LCOR: variants seen among roughly 807,000 people sequenced by gnomAD.
LCOR encodes ligand-dependent corepressor.
In LCOR, 14 loss-of-function variants were observed where a neutral mutation model predicts 64.4. The ratio of observed to expected loss-of-function variants is 0.22; its 90% CI spans 0.14 to 0.34. The LOEUF (loss-of-function observed/expected upper bound fraction) is 0.34, where lower values mean the gene tolerates loss of function less well. Ranked by LOEUF, LCOR falls within the 10% of genes least tolerant of loss-of-function variation. LCOR has a pLI of 1.00. For synonymous variants in LCOR, 643 were observed against 642.5 expected (o/e 1.00, Z -0.01); for missense variants, 1,686 against 1,765.3 (o/e 0.96, Z 0.80).
At chr10:96,935,770 G>T (rs899967540) in intron 4 of LCOR, among the ~76,000 whole-genome samples, 1 of 152,248 alleles carries the variant, frequency 6.6e-6, no homozygotes, top group African/African-American at 2.4e-5. Context: ...GGAAGGCAAG[G>T]CTTGCAGTGA....
chr10:96,927,271 T>A (rs1847184825), intron 4 of LCOR, among the ~76,000 whole-genome samples: 1 of 152,150 alleles, frequency 6.6e-6, no homozygotes, highest in Non-Finnish European at 1.5e-5. Context: ...ACTGGTGAGG[T>A]TGAGCATCCT....
At chr10:96,977,941 A>G (rs1277303208) in intron 7 of LCOR, among the ~76,000 whole-genome samples, 3 of 152,192 alleles carry the variant, frequency 2.0e-5, no homozygotes, top group Non-Finnish European at 4.4e-5. Flanking sequence ...AGAATTTCCA[A>G]GTGGTAGATG....
chr10:96,901,543 TAAG>T (rs1321280373), intron 2 of LCOR, among the ~76,000 whole-genome samples: 1 of 152,216 alleles, frequency 6.6e-6, no homozygotes, highest in Non-Finnish European at 1.5e-5. Context: ...GCCCATTAGA[TAAG>T]AAGACTCAAG....
chr10:96,985,101 G>A lies in LCOR; in HGVS notation c.4641G>A (p.Ser1547=), dbSNP rs61735270. The change falls in exon 8 of 8, where the codon TCG becomes TCA. Residue 1547 remains serine (S), a synonymous_variant. Transcript: ENST00000421806. ...KRKLKAKLDC[S]HSKRRRLDAK Reference sequence around the variant, plus strand: ...AGCTGAAGGCAAAGCTGGACTGTTCGCACAGCAAACGGAGGCGGCTGGATG... The same window carrying A: ...AGCTGAAGGCAAAGCTGGACTGTTCACACAGCAAACGGAGGCGGCTGGATG... 5.4e-4 allele frequency: 873 copies of A among 1,604,850 alleles called. 3 individuals are homozygous for A. The African/African-American group carries it at 0.011, about 19-fold the overall frequency.
chr10:96,889,416 A>G (rs1486769623), intron 2 of LCOR, among the ~76,000 whole-genome samples: 2 of 152,184 alleles, frequency 1.3e-5, no homozygotes, highest in Non-Finnish European at 2.9e-5. Flanking sequence ...AGTACAGATC[A>G]AGGTCCGGCA....
intron 4 of LCOR, among the ~76,000 whole-genome samples, chr10:96,927,455 GTT>G (rs879474796): frequency 6.7e-6 from 1 of 148,244 alleles, no homozygotes; most frequent in Admixed American, 6.7e-5. Flanking sequence ...TTGAAAAGCA[GTT>G]TTTTTTTTAT....
intron 4 of LCOR, among the ~76,000 whole-genome samples, chr10:96,923,709 T>C (rs1847120147): frequency 6.6e-6 from 1 of 152,238 alleles, no homozygotes; most frequent in Non-Finnish European, 1.5e-5. Flanking sequence ...CTGACATAAT[T>C]TTGTAGCTTT....
rs1315445411 is a variant in LCOR at position 96,874,998 on chromosome 10, CTT to C, written c.-329-32266_-329-32265del. On this transcript the variant is annotated intron_variant, in intron 2 of 7. Coordinates refer to ENST00000421806, the MANE Select transcript of LCOR (RefSeq NM_001346516.2). ...TTGAGATTCCATCCAGACATCTTTT[CTT>C]GGAAGCAGAATTCCCATACTCATTT... Among the ~76,000 whole-genome samples the C allele has an allele frequency of 2.6e-5, 4 of 152,144 alleles. No homozygotes were observed. In the East Asian group the frequency reaches 7.7e-4, roughly 29 times the overall value.
At chr10:96,958,195 G>T in intron 7 of LCOR, 1 of 1,281,730 alleles carries the variant, frequency 7.8e-7, no homozygotes, top group Admixed American at 3.5e-5. Context: ...ATTAATTTGT[G>T]CTTGCTTTTA....
At chr10:96,853,319 T>G (rs1416858869) in intron 2 of LCOR, among the ~76,000 whole-genome samples, 1 of 152,092 alleles carries the variant, frequency 6.6e-6, no homozygotes, top group Non-Finnish European at 1.5e-5. Context: ...AGTGCTGGGG[T>G]TACACGTGTG....
At chr10:96,887,435 C>A (rs967742743) in intron 2 of LCOR, among the ~76,000 whole-genome samples, 1 of 151,736 alleles carries the variant, frequency 6.6e-6, no homozygotes, top group East Asian at 2.0e-4. Flanking sequence ...TCGTGGCGGG[C>A]GCCTGTAGTC....
chr10:96,900,136 T>C (rs1164608727), intron 2 of LCOR, among the ~76,000 whole-genome samples: 1 of 152,204 alleles, frequency 6.6e-6, no homozygotes, highest in Non-Finnish European at 1.5e-5. Flanking sequence ...TATCTATAGA[T>C]TTGCCTTTTC....
Position 96,983,023 on chromosome 10 carries a change from C to A in LCOR, c.2563C>A (p.Arg855Ser). ...IKVPKNPSAKRSKKEGHPGGT... is the reference protein window; with the variant it reads ...IKVPKNPSAKSSKKEGHPGGT... ...AGTTCCTAAAAATCCTAGTGCAAAA[C>A]GTTCAAAAAAAGAAGGGCACCCTGG... The change falls in exon 8 of 8, where the codon CGT becomes AGT. Residue 855 changes from arginine (R) to serine (S), a missense_variant. Arg to Ser is a moderately radical substitution (Grantham distance 110). Around this residue, in one of 3 missense-constraint regions of LCOR, gnomAD observed 1,293 missense variants for 1,410.4 expected, o/e 0.92. Transcript: ENST00000421806. The surrounding 1 kb of genome is among the most constrained non-coding windows in gnomAD (Gnocchi z 4.5). 3 of 1,613,698 alleles carry A rather than the reference C, an allele frequency of 1.9e-6. No individual in the cohort carries two copies. The highest frequency in any genetic ancestry group is 2.5e-6 in the Non-Finnish European group (3 of 1,179,878).
At chr10:96,832,998 T>C (rs1845372379) in intron 1 of LCOR, 1 of 984,720 alleles carries the variant, frequency 1.0e-6, no homozygotes, top group Non-Finnish European at 1.2e-6. Context: ...GAGCTGGAGC[T>C]GTCACAGTCC....
intron 2 of LCOR, among the ~76,000 whole-genome samples, chr10:96,866,340 ATTCT>A (rs923289136): frequency 2.6e-5 from 4 of 152,076 alleles, no homozygotes; most frequent in African/African-American, 9.7e-5. Context: ...ACATTAGTTC[ATTCT>A]TTTCTATTTC....
At position 96,995,467 on chromosome 10, in the gene LCOR, G is replaced by C. The variant is rs1373374434; in HGVS notation, c.*10333G>C. 8 of 152,172 alleles carry C rather than the reference G, an allele frequency of 5.3e-5. No homozygotes were observed. 9.4% of individuals were successfully genotyped at this position (152,172 alleles called of 1,614,324 possible). Reference sequence around the variant, plus strand: ...ATGTTAGTGAGTGTAGGAATATACTGTGTCTTTAATGGATGAAAATTCAAT... The same window carrying C: ...ATGTTAGTGAGTGTAGGAATATACTCTGTCTTTAATGGATGAAAATTCAAT... On this transcript the variant is annotated 3_prime_UTR_variant, in exon 8 of 8. Coordinates refer to ENST00000421806, the MANE Select transcript of LCOR (RefSeq NM_001346516.2). The surrounding 1 kb of genome is among the most constrained non-coding windows in gnomAD (Gnocchi z 4.2).
At chr10:96,975,709 TATAGG>T (rs767402754) in intron 7 of LCOR, among the ~76,000 whole-genome samples, 1 of 151,594 alleles carries the variant, frequency 6.6e-6, no homozygotes, top group African/African-American at 2.4e-5. Context: ...AGATAAAAAT[TATAGG>T]ATAAATATAC....
At chr10:96,888,207 A>C (rs1485017947) in intron 2 of LCOR, among the ~76,000 whole-genome samples, 1 of 150,958 alleles carries the variant, frequency 6.6e-6, no homozygotes, top group Non-Finnish European at 1.5e-5. Context: ...TCTACTAAAA[A>C]TACAAAAATT....
intron 2 of LCOR, among the ~76,000 whole-genome samples, chr10:96,844,831 C>T (rs1228150881): frequency 6.6e-6 from 1 of 152,138 alleles, no homozygotes; most frequent in African/African-American, 2.4e-5. Context: ...GAGTTTGTAA[C>T]AAAGGCCTTT....
Sources: gnomAD v4.1 joint callset for allele counts (sites outside exome capture counted in the v4.1 genomes callset) on GRCh38, gnomAD v4.1.1 for gene constraint, gnomAD v4.1.1 regional missense constraint, Gnocchi (gnomAD v3.1) non-coding constraint, MANE v1.5 for transcripts, NCBI Gene and HGNC (gene_info 2026-07-23, HGNC 2026-07-21) for gene names.